The following BUD13 variants were observed in gnomAD, a reference collection of about 807,000 sequenced individuals.
BUD13 encodes the protein BUD13 spliceosome associated protein, also known as BUD13 homolog.
A neutral mutation model predicts 62.5 loss-of-function variants in BUD13; 47 were observed. The ratio of observed to expected loss-of-function variants is 0.75; its 90% CI spans 0.60 to 0.96. The LOEUF (loss-of-function observed/expected upper bound fraction) is 0.96, where lower values mean the gene tolerates loss of function less well. Ranked by LOEUF, BUD13 falls within the 40% of genes least tolerant of loss-of-function variation. BUD13 has a pLI of 0.00. For missense variants in BUD13, 821 were observed against 790.9 expected, an observed-to-expected ratio of 1.04 and a Z score of -0.46; for synonymous variants, 293 against 280.1, an observed-to-expected ratio of 1.05 and a Z score of -0.46.
In BUD13 at chr11:116,759,166, T is replaced by C. The variant is rs763682168; in HGVS notation, c.1268A>G (p.Tyr423Cys). 1.9e-6 allele frequency: 3 copies of C among 1,613,840 alleles called. No individual in the cohort carries two copies. Among genetic ancestry groups the C allele is most frequent in the Admixed American group, 3.3e-5 (2 of 60,004 alleles). The change falls in exon 6 of 10, where the codon TAT (tyrosine) becomes TGT (cysteine). Residue 423 changes from tyrosine to cysteine, a missense_variant. Physicochemically the swap from Tyr to Cys is radical, Grantham distance 194 (BLOSUM62 -2). Transcript: ENST00000260210. ...CACCAACCCAGTTTTAGCCCCAGAA[T>C]ACATGTGTGCAGCCTATGCAACGGA... ...QPPGKKAAHM[Y>C]SGAKTGLVLT... is the part of the protein sequence containing the mutation.
intron 9 of BUD13, among the ~76,000 whole-genome samples, chr11:116,749,906 A>C (rs997021584): frequency 1.2e-4 from 18 of 152,224 alleles, no homozygotes; most frequent in South Asian, 2.1e-4. Context: ...CTAATTGATT[A>C]GGTACACAAG....
Position 116,762,980 on chromosome 11 carries a change from T to A in BUD13, c.609A>T (p.Pro203=). The A allele has an allele frequency of 8.1e-6, 13 of 1,612,428 alleles. No homozygotes were observed. The highest frequency in any genetic ancestry group is 1.1e-5 in the Non-Finnish European group (13 of 1,179,560). ...CTGAAGAATTATGCTGAGGCCTCCTTGGGGGAGAAGGATCTGGAGAATCAT... is the reference window on the plus strand; with the variant it reads ...CTGAAGAATTATGCTGAGGCCTCCTAGGGGGAGAAGGATCTGGAGAATCAT... ...ARHDSPDPSP[P]RRPQHNSSGA... The change falls in exon 4 of 10, where the codon CCA becomes CCT. Residue 203 remains proline (P), a synonymous_variant. Transcript: ENST00000260210.
At chr11:116,748,942 G>A (rs113487556) in intron 9 of BUD13, among the ~76,000 whole-genome samples, 2,333 of 137,700 alleles carry the variant, frequency 0.017, 58 homozygotes, top group African/African-American at 0.06. Context: ...CGGAGATCGT[G>A]CCACTGCACT....
intron 9 of BUD13, among the ~76,000 whole-genome samples, chr11:116,751,002 T>C (rs988914588): frequency 3.9e-5 from 6 of 152,226 alleles, no homozygotes; most frequent in African/African-American, 1.4e-4. Context: ...CTTTCCTTCT[T>C]ATCTTGGCTG....
intron 3 of BUD13, 105 bp from the exon 4 acceptor site, chr11:116,763,371 TG>T: frequency 9.4e-7 from 1 of 1,067,708 alleles, no homozygotes; most frequent in Non-Finnish European, 1.3e-6. Flanking sequence ...ACCTCAGAAC[TG>T]CTCAGAAAGC....
chr11:116,758,050 T>C (rs1404405073), intron 7 of BUD13, 100 bp from the exon 8 acceptor site: 5 of 1,493,938 alleles, frequency 3.3e-6, no homozygotes, highest in African/African-American at 1.4e-5. Context: ...CTCCTCTTTC[T>C]AGTACCCTAG....
intron 4 of BUD13, 60 bp from the exon 5 acceptor site, chr11:116,761,012 A>G: frequency 7.3e-7 from 1 of 1,377,084 alleles, no homozygotes; most frequent in African/African-American, 1.4e-5. Context: ...AACTTACATG[A>G]AATCTCCTAT....
intron 5 of BUD13, among the ~76,000 whole-genome samples, chr11:116,759,582 G>A (rs1016268251): frequency 6.6e-6 from 1 of 152,134 alleles, no homozygotes; most frequent in Non-Finnish European, 1.5e-5. Context: ...TCCTTAAATT[G>A]TGGATATATT....
intron 9 of BUD13, among the ~76,000 whole-genome samples, chr11:116,753,660 G>A (rs1375406632): frequency 4.6e-5 from 7 of 152,210 alleles, no homozygotes; most frequent in Non-Finnish European, 8.8e-5. Context: ...CAATCCTGTG[G>A]TGAATCCAAT....
chr11:116,756,531 A>C (rs931312476), intron 9 of BUD13, among the ~76,000 whole-genome samples: 1 of 152,144 alleles, frequency 6.6e-6, no homozygotes, highest in Non-Finnish European at 1.5e-5. Context: ...AAGACTGTAA[A>C]AGGGTCCTGA....
chr11:116,758,013 T>C, intron 7 of BUD13, 63 bp from the exon 8 acceptor site: 2 of 1,577,840 alleles, frequency 1.3e-6, no homozygotes, highest in South Asian at 2.3e-5. Context: ...CTACACGAGA[T>C]GGACCATACT....
intron 9 of BUD13, among the ~76,000 whole-genome samples, chr11:116,755,304 G>A (rs562653887): frequency 7.2e-5 from 11 of 152,272 alleles, no homozygotes; most frequent in South Asian, 6.2e-4. Context: ...TGATAAGACC[G>A]GAAGTGATGT....
At chr11:116,761,058 T>A in intron 4 of BUD13, 106 bp from the exon 5 acceptor site, 1 of 898,494 alleles carries the variant, frequency 1.1e-6, no homozygotes, top group Non-Finnish European at 1.7e-6. Flanking sequence ...AAGAATTCCT[T>A]ACATTATTAT....
intron 9 of BUD13, 22 bp downstream of exon 9, chr11:116,757,124 T>A (rs776524813): frequency 3.7e-6 from 6 of 1,609,368 alleles, no homozygotes; most frequent in Non-Finnish European, 5.1e-6. Context: ...AGGTAGAAAA[T>A]GTAAGAAATA....
In BUD13 at chr11:116,760,926, C is replaced by A; in HGVS notation, c.1063G>T (p.Asp355Tyr). 1.9e-6 allele frequency: 3 copies of A among 1,614,080 alleles called. No homozygotes were observed. The highest frequency in any genetic ancestry group is 1.1e-5 in the South Asian group (1 of 91,052). Residue 355 changes from aspartate to tyrosine, a missense_variant, in exon 5 of 10, where the codon GAC becomes TAC. By Grantham distance (160) the Asp-to-Tyr change is radical. This residue lies in a region of BUD13 where 800 missense variants were observed against 739.2 expected (regional missense o/e 1.08). Coordinates refer to ENST00000260210, the MANE Select transcript of BUD13 (RefSeq NM_032725.4). ...KGDCQKATDS[D>Y]LSSPRHKQSP... The stretch of plus-strand genomic sequence containing the variant: ...TGTTTATGCCGTGGAGAAGAAAGGT[C>A]TGAATCAGTTGCTTTCTGGCAGTCA...
chr11:116,761,691 A>C (rs1193435283), intron 4 of BUD13, among the ~76,000 whole-genome samples: 3 of 152,216 alleles, frequency 2.0e-5, no homozygotes, highest in Admixed American at 2.0e-4. Flanking sequence ...CCTTGGACTA[A>C]AGGATAACAA....
At position 116,759,101 on chromosome 11, in the gene BUD13, G is replaced by A. The variant is rs768816574; in HGVS notation, c.1333C>T (p.Gln445Ter). ...TCAAATGCCATGGTTTCTTGATCCT[G>A]TTCCTTGAGCTCCTGCTGTTCTCGC... ...IQREQQELKE[Q>*]DQETMAFEAE... Residue 445 changes from glutamine to a stop codon, truncating the protein, a stop_gained, in exon 6 of 10, where the codon CAG (glutamine) becomes TAG (stop). Coordinates refer to ENST00000260210, the MANE Select transcript of BUD13 (RefSeq NM_032725.4). LOFTEE classifies it high-confidence loss of function. 2 of 1,613,280 alleles carry A rather than the reference G, an allele frequency of 1.2e-6. No homozygotes were observed.
intron 6 of BUD13, 93 bp from the exon 7 acceptor site, chr11:116,758,500 T>C (rs1940372110): frequency 7.1e-7 from 1 of 1,415,628 alleles, no homozygotes; most frequent in Non-Finnish European, 9.6e-7. Flanking sequence ...TAATGCTAGA[T>C]AAGAACTTCT....
At position 116,762,692 on chromosome 11, in the gene BUD13, A is replaced by G; in HGVS notation, c.897T>C (p.Ser299=). Reference sequence around the variant, plus strand: ...AGGCTCCTGACTCCTTCCAATGTGGAGAAGTCTTGCTAGAGGCTCTTTCTG... The same window carrying G: ...AGGCTCCTGACTCCTTCCAATGTGGGGAAGTCTTGCTAGAGGCTCTTTCTG... ...KAPERASSKT[S]PHWKESGASH... Residue 299 remains serine, a synonymous_variant, in exon 4 of 10, where the codon TCT becomes TCC. Transcript: ENST00000260210. 6.2e-7 allele frequency: 1 copy of G among 1,614,132 alleles called. No individual in the cohort carries two copies. The highest frequency in any genetic ancestry group is 8.5e-7 in the Non-Finnish European group (1 of 1,180,004).
Sources: gnomAD v4.1 joint callset for allele counts (sites outside exome capture counted in the v4.1 genomes callset) on GRCh38, gnomAD v4.1.1 for gene constraint, gnomAD v4.1.1 regional missense constraint, MANE v1.5 for transcripts, NCBI Gene and HGNC (gene_info 2026-07-23, HGNC 2026-07-21) for gene names.